Variants in TUSC3 observed in about 807,000 individuals in gnomAD.
TUSC3 encodes dolichyl-diphosphooligosaccharide--protein glycosyltransferase subunit TUSC3.
TUSC3 carries 45 observed loss-of-function variants against 44.8 expected under a neutral mutation model. The ratio of observed to expected loss-of-function variants is 1.00; its 90% confidence interval spans 0.79 to 1.29. TUSC3 has a LOEUF of 1.29. Ranked by LOEUF, TUSC3 falls within the 50% of genes most tolerant of loss-of-function variation. The pLI is 0.00. For synonymous variants in TUSC3, 212 were observed against 152.9 expected (o/e 1.39, Z -2.85); for missense variants, 519 against 437.9 (o/e 1.19, Z -1.65).
intron 2 of TUSC3, among the ~76,000 whole-genome samples, chr8:15,513,398 T>C (rs984327059): frequency 6.6e-6 from 1 of 152,190 alleles, no homozygotes; most frequent in Non-Finnish European, 1.5e-5. Flanking sequence ...TTCCTAGGGA[T>C]ATTTGCTGGA....
the TUSC3 span, among the ~76,000 whole-genome samples, chr8:15,830,196 C>G: frequency 6.6e-6 from 1 of 151,920 alleles, no homozygotes; most frequent in African/African-American, 2.4e-5. Flanking sequence ...GATATTACTC[C>G]TTTGTTAAAT....
At chr8:15,452,250 C>G (rs980972586) in intron 1 of TUSC3, among the ~76,000 whole-genome samples, 3 of 152,152 alleles carry the variant, frequency 2.0e-5, no homozygotes, top group African/African-American at 7.2e-5. Flanking sequence ...TTTTCGCTGA[C>G]TTTCTTCTCA....
intron 6 of TUSC3, among the ~76,000 whole-genome samples, chr8:15,694,767 T>G (rs538068723): frequency 4.6e-5 from 7 of 152,284 alleles, no homozygotes; most frequent in African/African-American, 1.7e-4. Flanking sequence ...AGGCCCTAGC[T>G]TTGTTCTCTG....
chr8:15,837,673 C>A, the TUSC3 span, among the ~76,000 whole-genome samples: 39 of 152,146 alleles, frequency 2.6e-4, no homozygotes, highest in African/African-American at 8.4e-4. Flanking sequence ...ACTCACCTGA[C>A]TTTCTCTGTC....
At position 15,652,967 on chromosome 8, in the gene TUSC3, A is replaced by G. The variant is rs183645576; in HGVS notation, c.426+2153A>G. Among the ~76,000 whole-genome samples, 39 of 152,366 alleles carry G rather than the reference A, an allele frequency of 2.6e-4. No homozygotes were observed. In the East Asian group the frequency reaches 7.5e-3, roughly 29 times the overall value. On this transcript the variant is annotated intron_variant, in intron 3 of 10. Transcript: ENST00000503731. ...ACGATACCTGATGTACTAAGTACAT[A>G]CTTAGTGTATTAAACATCTTATTTA...
chr8:15,543,581 A>AT (rs1400645485), intron 1 of TUSC3, among the ~76,000 whole-genome samples: 5 of 152,138 alleles, frequency 3.3e-5, no homozygotes, highest in Non-Finnish European at 7.4e-5. Flanking sequence ...TGTAAAATAT[A>AT]TAACTATATG....
At chr8:15,712,288 G>A (rs1388107879) in intron 6 of TUSC3, among the ~76,000 whole-genome samples, 1 of 151,800 alleles carries the variant, frequency 6.6e-6, no homozygotes, top group Non-Finnish European at 1.5e-5. Flanking sequence ...TCATGCTGTT[G>A]ATTCTTTTAG....
chr8:15,526,708 TAA>T (rs1217602233), intron 2 of TUSC3, among the ~76,000 whole-genome samples: 1 of 152,168 alleles, frequency 6.6e-6, no homozygotes, highest in African/African-American at 2.4e-5. Context: ...TTTTTCTTTA[TAA>T]GTTACCCAGT....
chr8:15,730,778 A>G (rs756560124), intron 7 of TUSC3, 49 bp downstream of exon 7: 1 of 1,565,500 alleles, frequency 6.4e-7, no homozygotes, highest in East Asian at 2.3e-5. Context: ...CTAAAGCTAC[A>G]TGTTTTTAAA....
chr8:15,544,369 T>C lies in TUSC3; in HGVS notation c.138+3801T>C, dbSNP rs143804617. ...TCTGTAATTATTTCCAGTACACTTA[T>C]TGACTTTGCCATCATCAAAAGCAGC... On this transcript the variant is annotated intron_variant, in intron 1 of 10. Coordinates refer to ENST00000503731, the MANE Select transcript of TUSC3 (RefSeq NM_006765.4). 3.0e-3 allele frequency among the ~76,000 whole-genome samples: 461 copies of C among 151,886 alleles called. 3 individuals carry two copies. The highest frequency in any genetic ancestry group is 0.011 in the African/African-American group (448 of 41,526).
At chr8:15,466,376 C>G (rs931044866) in intron 1 of TUSC3, among the ~76,000 whole-genome samples, 3 of 152,098 alleles carry the variant, frequency 2.0e-5, no homozygotes, top group African/African-American at 7.2e-5. Flanking sequence ...ACATGACTTT[C>G]TATACCTTAG....
intron 1 of TUSC3, among the ~76,000 whole-genome samples, chr8:15,444,215 C>G (rs528783291): frequency 6.6e-6 from 1 of 152,130 alleles, no homozygotes; most frequent in East Asian, 1.9e-4. Context: ...AATAGACTAC[C>G]TGAAAAGTAA....
intron 2 of TUSC3, among the ~76,000 whole-genome samples, chr8:15,526,178 G>A (rs531292346): frequency 2.0e-5 from 3 of 152,034 alleles, no homozygotes; most frequent in East Asian, 3.9e-4. Context: ...GACTACAGGC[G>A]CCCGCCATCA....
intron 6 of TUSC3, among the ~76,000 whole-genome samples, chr8:15,682,395 C>A (rs373869853): frequency 1.3e-5 from 2 of 152,146 alleles, no homozygotes; most frequent in South Asian, 2.1e-4. Flanking sequence ...CTGGATGAAT[C>A]GAACTCTTTA....
At chr8:15,647,093 A>G (rs1373726919) in intron 2 of TUSC3, among the ~76,000 whole-genome samples, 1 of 152,058 alleles carries the variant, frequency 6.6e-6, no homozygotes, top group Non-Finnish European at 1.5e-5. Context: ...CTATATTGTC[A>G]TAGTTCATAA....
chr8:15,480,966 CT>C, intron 1 of TUSC3, among the ~76,000 whole-genome samples: 1 of 152,108 alleles, frequency 6.6e-6, no homozygotes, highest in Middle Eastern at 3.4e-3. Flanking sequence ...GAAGTGGGGC[CT>C]TCAGGCAAGG....
At chr8:15,512,339 T>A (rs749579997) in intron 2 of TUSC3, among the ~76,000 whole-genome samples, 9 of 152,166 alleles carry the variant, frequency 5.9e-5, no homozygotes, top group African/African-American at 1.2e-4. Context: ...TGACCTCCCC[T>A]GAACAAGAAG....
intron 1 of TUSC3, chr8:15,561,773 G>GCCAT (rs1554514713): frequency 6.7e-6 from 1 of 148,524 alleles, no homozygotes; most frequent in Non-Finnish European, 1.5e-5. Context: ...TTTTCCAGGT[G>GCCAT]CCGTCCGTCA....
At chr8:15,531,355 G>A (rs1367877951) in intron 2 of TUSC3, among the ~76,000 whole-genome samples, 8 of 152,094 alleles carry the variant, frequency 5.3e-5, no homozygotes, top group Non-Finnish European at 7.4e-5. Flanking sequence ...GGGTTAAAGC[G>A]ATTCTCCTGC....
Sources: gnomAD v4.1 joint callset for allele counts (sites outside exome capture counted in the v4.1 genomes callset) on GRCh38, gnomAD v4.1.1 for gene constraint, MANE v1.5 for transcripts, NCBI Gene and HGNC (gene_info 2026-07-23, HGNC 2026-07-21) for gene names.